Variants in MYO5B observed in about 807,000 individuals in gnomAD.
MYO5B encodes the protein unconventional myosin-Vb.
A neutral mutation model predicts 229.3 loss-of-function variants in MYO5B; 143 were observed. That is an observed-to-expected ratio of 0.62 (90% CI 0.54 to 0.72). The LOEUF is 0.72. MYO5B is among the 30% of genes least tolerant of loss of function. MYO5B has a pLI of 0.00. For missense variants in MYO5B, 2,321 were observed against 2,331.0 expected, an observed-to-expected ratio of 1.00 and a Z score of 0.09; for synonymous variants, 918 against 885.2, an observed-to-expected ratio of 1.04 and a Z score of -0.66.
At chr18:49,835,488 T>C (rs1360118535) in intron 38 of MYO5B, 64 bp from the exon 39 acceptor site, 2 of 1,029,204 alleles carry the variant, frequency 1.9e-6, no homozygotes, top group Non-Finnish European at 3.1e-6. Context: ...TTTTGAACTT[T>C]AAAGAATATG....
At chr18:49,931,048 A>T (rs2025184961) in intron 16 of MYO5B, among the ~76,000 whole-genome samples, 1 of 152,188 alleles carries the variant, frequency 6.6e-6, no homozygotes, top group African/African-American at 2.4e-5. Context: ...CTCCATCAGA[A>T]GGGACGAGGA....
chr18:50,051,046 T>C (rs1173218590), intron 2 of MYO5B, among the ~76,000 whole-genome samples: 2 of 152,234 alleles, frequency 1.3e-5, no homozygotes, highest in Non-Finnish European at 2.9e-5. Context: ...TTTACACATA[T>C]GTGCAGGTAT....
intron 14 of MYO5B, among the ~76,000 whole-genome samples, chr18:49,942,481 T>C (rs1406520843): frequency 6.8e-6 from 1 of 148,100 alleles, no homozygotes; most frequent in Non-Finnish European, 1.5e-5. Flanking sequence ...AAAGGGCTAA[T>C]ATCCAGAATC....
rs756579504 is a variant in MYO5B at position 49,906,467 on chromosome 18, C to T, written c.2366G>A (p.Gly789Glu). Residue 789 changes from glycine to glutamate, a missense_variant, in exon 19 of 40, where the codon GGG (glycine) becomes GAG (glutamate). This residue lies in a region of MYO5B where 2,113 missense variants were observed against 2,044.7 expected (regional missense o/e 1.03). Coordinates refer to ENST00000285039, the MANE Select transcript of MYO5B (RefSeq NM_001080467.3). ...LQKVKYHRLK[G>E]ATLTLQRYCR... is the part of the protein sequence containing the mutation. ...GTACCTCTGCAGGGTTAAGGTAGCC[C>T]CCTTCAGCCTGTGATATTTCACCTT... is the stretch of plus-strand genomic sequence containing the variant. 8 of 1,614,130 alleles carry T rather than the reference C, an allele frequency of 5.0e-6. No individual in the cohort carries two copies. Among genetic ancestry groups the T allele is most frequent in the Non-Finnish European group, 6.8e-6 (8 of 1,180,024 alleles).
intron 1 of MYO5B, among the ~76,000 whole-genome samples, chr18:50,173,583 T>C (rs1379924398): frequency 1.1e-4 from 16 of 152,082 alleles, no homozygotes; most frequent in Admixed American, 1.0e-3. Flanking sequence ...TCGTGGTGGC[T>C]GGAGGTCAGA....
At chr18:49,983,364 T>G (rs931889040) in intron 8 of MYO5B, among the ~76,000 whole-genome samples, 4 of 152,198 alleles carry the variant, frequency 2.6e-5, no homozygotes, top group Non-Finnish European at 5.9e-5. Flanking sequence ...CCCTCAGACC[T>G]GTCTCCCCAT....
chr18:49,910,702 T>C (rs8087951), intron 18 of MYO5B, among the ~76,000 whole-genome samples: 1,849 of 152,298 alleles, frequency 0.012, 35 homozygotes, highest in African/African-American at 0.042. Flanking sequence ...GCAGCTAAGA[T>C]GATGCTGGGA....
At chr18:49,990,333 G>T in intron 7 of MYO5B, 106 bp downstream of exon 7, 1 of 923,362 alleles carries the variant, frequency 1.1e-6, no homozygotes, top group Non-Finnish European at 1.7e-6. Flanking sequence ...AAGAGGCAGA[G>T]CCGAGACAAG....
Position 49,898,873 on chromosome 18 carries a change from G to A in MYO5B, c.2812-3699C>T, listed in dbSNP as rs559725316. Among the ~76,000 whole-genome samples the A allele has an allele frequency of 7.2e-5, 11 of 152,216 alleles. No homozygotes were observed. In the East Asian group the frequency reaches 1.2e-3, roughly 16 times the overall value. On this transcript the variant is annotated intron_variant, in intron 21 of 39. Transcript: ENST00000285039. Reference sequence around the variant, plus strand: ...TTGTTTCCTCCCTTACTGACTTCTTGGCAGTGAGGATACATTTTTAGAAAA... The same window carrying A: ...TTGTTTCCTCCCTTACTGACTTCTTAGCAGTGAGGATACATTTTTAGAAAA...
intron 10 of MYO5B, among the ~76,000 whole-genome samples, chr18:49,969,119 C>T (rs951086938): frequency 1.3e-5 from 2 of 152,264 alleles, no homozygotes; most frequent in South Asian, 2.1e-4. Context: ...GCATGTCCTC[C>T]CTGAAGAAGG....
At chr18:49,844,098 G>A (rs1426250114) in intron 33 of MYO5B, among the ~76,000 whole-genome samples, 1 of 152,202 alleles carries the variant, frequency 6.6e-6, no homozygotes, top group Non-Finnish European at 1.5e-5. Flanking sequence ...GGCAAGGGCT[G>A]CTCTGGCTGG....
chr18:49,830,473 C>A (rs776598082), intron 39 of MYO5B, among the ~76,000 whole-genome samples: 2 of 152,114 alleles, frequency 1.3e-5, no homozygotes, highest in Admixed American at 6.5e-5. Flanking sequence ...ATCCCAATGA[C>A]GTTTTTTGCA....
chr18:50,185,303 G>A (rs74942790), intron 1 of MYO5B, among the ~76,000 whole-genome samples: 2 of 148,634 alleles, frequency 1.3e-5, no homozygotes, highest in East Asian at 2.0e-4. Context: ...AAAAAAAAAA[G>A]AGAGAGAGAG....
At chr18:49,856,750 A>T in intron 30 of MYO5B, 63 bp downstream of exon 30, 1 of 1,384,806 alleles carries the variant, frequency 7.2e-7, no homozygotes, top group Non-Finnish European at 1.0e-6. Flanking sequence ...AAAAACGGTT[A>T]AGCATAGACA....
chr18:50,043,364 TTA>T (rs1491249740), intron 2 of MYO5B, among the ~76,000 whole-genome samples: 4 of 82,476 alleles, frequency 4.8e-5, no homozygotes, highest in African/African-American at 1.9e-4. Context: ...TATAAATATA[TTA>T]TATAATATAT....
At chr18:50,141,589 T>G (rs2032418641) in intron 1 of MYO5B, among the ~76,000 whole-genome samples, 1 of 152,212 alleles carries the variant, frequency 6.6e-6, no homozygotes, top group Non-Finnish European at 1.5e-5. Flanking sequence ...GCATCAATCT[T>G]TCTGATATGG....
chr18:50,029,244 G>A (rs1429144578), intron 4 of MYO5B, among the ~76,000 whole-genome samples: 1 of 152,188 alleles, frequency 6.6e-6, no homozygotes. Context: ...CACTGGCATG[G>A]CTGTGCAGGA....
chr18:49,885,424 C>T (rs937342279), intron 22 of MYO5B, among the ~76,000 whole-genome samples: 3 of 152,128 alleles, frequency 2.0e-5, no homozygotes, highest in African/African-American at 7.2e-5. Context: ...CCCCTGAGTA[C>T]CCACCTGCAC....
At chr18:49,973,363 C>G (rs2025711453) in intron 10 of MYO5B, among the ~76,000 whole-genome samples, 2 of 152,176 alleles carry the variant, frequency 1.3e-5, no homozygotes, top group Non-Finnish European at 1.5e-5. Flanking sequence ...AGGGGACTGG[C>G]CTTTATTCCA....
Sources: gnomAD v4.1 joint callset for allele counts (sites outside exome capture counted in the v4.1 genomes callset) on GRCh38, gnomAD v4.1.1 for gene constraint, gnomAD v4.1.1 regional missense constraint, MANE v1.5 for transcripts, NCBI Gene and HGNC (gene_info 2026-07-23, HGNC 2026-07-21) for gene names.